Variants in SPDYA observed in about 807,000 individuals in gnomAD.
SPDYA encodes speedy protein A.
A neutral mutation model predicts 36.7 loss-of-function variants in SPDYA; 11 were observed. The observed-to-expected ratio is 0.30, with a 90% confidence interval of 0.19 to 0.50. The LOEUF (loss-of-function observed/expected upper bound fraction) is 0.50. Among genes scored for constraint, SPDYA ranks in the 20% least tolerant of loss-of-function variants. The probability of loss-of-function intolerance (pLI) is 0.98; values close to 1 mark genes in which losing one functional copy is unlikely to be tolerated. For missense variants in SPDYA, 287 were observed against 370.9 expected, an observed-to-expected ratio of 0.77 and a Z score of 1.86; for synonymous variants, 115 against 118.7, an observed-to-expected ratio of 0.97 and a Z score of 0.20.
chr2:28,844,561 G>A (rs1041347526), intron 7 of SPDYA, among the ~76,000 whole-genome samples: 1 of 152,180 alleles, frequency 6.6e-6, no homozygotes, highest in Non-Finnish European at 1.5e-5. Context: ...GTAGCCTAAT[G>A]TAAGCGTTCT....
In SPDYA at chr2:28,850,329, T is replaced by G. The variant is rs1252989666; in HGVS notation, c.*388T>G. 2.5e-6 allele frequency: 4 copies of G among 1,608,770 alleles called. No individual in the cohort carries two copies. Among genetic ancestry groups the G allele is most frequent in the Non-Finnish European group, 2.5e-6 (3 of 1,176,488 alleles). ...ATATGTTCTGAAAACATTACTCACC[T>G]GTATGACCAGGTTGCCAGTGTACTG... On this transcript the variant is annotated 3_prime_UTR_variant, in exon 8 of 8. Coordinates refer to ENST00000334056, the MANE Select transcript of SPDYA (RefSeq NM_182756.4).
intron 5 of SPDYA, among the ~76,000 whole-genome samples, chr2:28,823,630 GAA>G (rs1192990521): frequency 6.7e-5 from 4 of 59,868 alleles, no homozygotes; most frequent in Non-Finnish European, 1.0e-4. Context: ...TCTCAGGAAA[GAA>G]AAAAAAAAAA....
chr2:28,842,021 G>C (rs1668762415), intron 7 of SPDYA: 1 of 152,116 alleles, frequency 6.6e-6, no homozygotes, highest in Non-Finnish European at 1.5e-5. Flanking sequence ...GCCAACTTTA[G>C]GGTGAATACT....
chr2:28,847,090 C>A (rs1464708534), intron 7 of SPDYA, among the ~76,000 whole-genome samples: 1 of 152,196 alleles, frequency 6.6e-6, no homozygotes, highest in Non-Finnish European at 1.5e-5. Flanking sequence ...TTCCTGTAAT[C>A]CCAGCAGTTT....
At chr2:28,820,718 A>G (rs1668135811) in intron 4 of SPDYA, among the ~76,000 whole-genome samples, 1 of 152,192 alleles carries the variant, frequency 6.6e-6, no homozygotes, top group East Asian at 1.9e-4. Flanking sequence ...ATATTTGAAA[A>G]TTAAGCGTGA....
chr2:28,838,585 A>C (rs140746734), intron 6 of SPDYA, among the ~76,000 whole-genome samples: 94 of 152,326 alleles, frequency 6.2e-4, no homozygotes, highest in African/African-American at 2.2e-3. Context: ...TATGTGTATA[A>C]AATATATGTA....
chr2:28,813,812 A>G (rs940209155), intron 1 of SPDYA, among the ~76,000 whole-genome samples: 1 of 152,094 alleles, frequency 6.6e-6, no homozygotes, highest in African/African-American at 2.4e-5. Flanking sequence ...TCAGCCTCCC[A>G]AAGTGCTGGG....
intron 5 of SPDYA, among the ~76,000 whole-genome samples, chr2:28,824,156 T>A (rs1668254507): frequency 6.6e-6 from 1 of 152,156 alleles, no homozygotes; most frequent in Admixed American, 6.5e-5. Flanking sequence ...TCAAAGTGTA[T>A]TTAATTCAGA....
chr2:28,826,828 C>T (rs575461021), intron 5 of SPDYA, among the ~76,000 whole-genome samples: 3 of 151,348 alleles, frequency 2.0e-5, no homozygotes, highest in African/African-American at 7.3e-5. Flanking sequence ...GTTGCCCAGG[C>T]TGGGTTTCGA....
At chr2:28,835,186 C>A (rs1210458288) in intron 6 of SPDYA, among the ~76,000 whole-genome samples, 1 of 151,778 alleles carries the variant, frequency 6.6e-6, no homozygotes, top group East Asian at 1.9e-4. Flanking sequence ...CTTGGCCTCC[C>A]AAAGTTCTGG....
At chr2:28,833,616 G>A (rs1668524974) in intron 6 of SPDYA, among the ~76,000 whole-genome samples, 1 of 152,092 alleles carries the variant, frequency 6.6e-6, no homozygotes, top group South Asian at 2.1e-4. Flanking sequence ...ATTCAATGGG[G>A]AAAATGTAGT....
In SPDYA at chr2:28,816,230, T is replaced by C. The variant is rs1667981298; in HGVS notation, c.216T>C (p.Thr72=). Residue 72 remains threonine, a synonymous_variant, in exon 3 of 8, where the codon ACT becomes ACC. Transcript: ENST00000334056. ...PCLVIQRQDM[T]AFFKLFDDDL... ...TGGTTATACAGCGTCAGGATATGACTGCTTTCTTTAAATTATTTGGTAGGT... is the reference window on the plus strand; with the variant it reads ...TGGTTATACAGCGTCAGGATATGACCGCTTTCTTTAAATTATTTGGTAGGT... 6.3e-7 allele frequency: 1 copy of C among 1,599,738 alleles called. No homozygotes were observed. The highest frequency in any genetic ancestry group is 1.8e-5 in the Admixed American group (1 of 55,898).
rs1667976363 is a variant in SPDYA at position 28,816,032 on chromosome 2, G to T, written c.18G>T (p.Met6Ile). Residue 6 changes from methionine (M) to isoleucine (I), a missense_variant, in exon 3 of 8, where the codon ATG becomes ATT. Met to Ile is a conservative substitution (Grantham distance 10). Transcript: ENST00000334056. ...AAACCAAAATGAGGCACAATCAGATGTGTTGTGAGACACCACCTACTGTCA... is the reference window on the plus strand; with the variant it reads ...AAACCAAAATGAGGCACAATCAGATTTGTTGTGAGACACCACCTACTGTCA... MRHNQMCCETPPTVTV... is the reference protein window; with the variant it reads MRHNQICCETPPTVTV... The T allele has an allele frequency of 1.2e-6, 2 of 1,612,012 alleles. No individual in the cohort carries two copies.
At chr2:28,834,875 T>C (rs924184377) in intron 6 of SPDYA, among the ~76,000 whole-genome samples, 5 of 152,230 alleles carry the variant, frequency 3.3e-5, no homozygotes, top group Admixed American at 2.0e-4. Context: ...ATTTCAAAGC[T>C]GTTAAAATTA....
chr2:28,842,641 T>C (rs1267117448), intron 7 of SPDYA, among the ~76,000 whole-genome samples: 1 of 152,208 alleles, frequency 6.6e-6, no homozygotes, highest in Non-Finnish European at 1.5e-5. Context: ...TATTTACCCA[T>C]AGCCATTTTA....
At chr2:28,830,394 G>A (rs1266298224) in intron 6 of SPDYA, among the ~76,000 whole-genome samples, 3 of 151,878 alleles carry the variant, frequency 2.0e-5, no homozygotes, top group Non-Finnish European at 4.4e-5. Flanking sequence ...TAGTAGAGAC[G>A]GGGTTTCGCC....
chr2:28,836,511 A>G (rs1485071595), intron 6 of SPDYA, among the ~76,000 whole-genome samples: 1 of 152,216 alleles, frequency 6.6e-6, no homozygotes, highest in African/African-American at 2.4e-5. Context: ...GTCTTTTCAA[A>G]TAGTGAGTTT....
At chr2:28,845,249 C>CTTTTTTTTTTTTTTTTTT (rs372229883) in intron 7 of SPDYA, among the ~76,000 whole-genome samples, 3 of 132,574 alleles carry the variant, frequency 2.3e-5, no homozygotes, top group Non-Finnish European at 3.1e-5. Context: ...CCATGCCCAG[C>CTTTTTTTTTTTTTTTTTT]TTTTTTTTTT....
At position 28,813,127 on chromosome 2, in the gene SPDYA, T is replaced by C. The variant is rs929113162; in HGVS notation, c.-92-1486T>C. Among the ~76,000 whole-genome samples the C allele has an allele frequency of 1.1e-4, 17 of 152,334 alleles. No individual in the cohort carries two copies. The East Asian group carries it at 3.3e-3, about 29-fold the overall frequency. ...TTCAGCTTGTTGTATGTACCTTTTC[T>C]GCCAGTGTTTGCTTATTAAAGACAA... On this transcript the variant is annotated intron_variant, in intron 1 of 7. Transcript: ENST00000334056.
Sources: allele counts gnomAD v4.1 joint callset (sites outside exome capture counted in the v4.1 genomes callset), GRCh38; gene constraint gnomAD v4.1.1; transcripts MANE v1.5; gene names NCBI Gene and HGNC (gene_info 2026-07-23, HGNC 2026-07-21).